Variants in CABP1 observed in about 807,000 individuals in gnomAD.
CABP1 encodes the protein calcium binding protein 1.
A neutral mutation model predicts 34.3 loss-of-function variants in CABP1; 17 were observed. The observed-to-expected ratio is 0.50, with a 90% CI of 0.34 to 0.74. The LOEUF (loss-of-function observed/expected upper bound fraction) is 0.74. Among genes scored for constraint, CABP1 ranks in the 30% least tolerant of loss-of-function variants. CABP1 has a pLI of 0.01. For missense variants in CABP1, 373 were observed against 511.1 expected (o/e 0.73, Z 2.61); for synonymous variants, 198 against 229.2 (o/e 0.86, Z 1.23).
chr12:120,666,751 G>A (rs925343572), intron 5 of CABP1, 124 bp from the exon 6 acceptor site: 3 of 1,036,556 alleles, frequency 2.9e-6, no homozygotes, highest in African/African-American at 3.1e-5. Flanking sequence ...GGATTGGAGA[G>A]GGCGGAATGG....
chr12:120,652,411 C>A (rs1002274136), intron 1 of CABP1, among the ~76,000 whole-genome samples: 4 of 150,950 alleles, frequency 2.6e-5, no homozygotes, highest in Non-Finnish European at 5.9e-5. Context: ...TCTGTTATCT[C>A]ATTTTCTCTT....
In CABP1 at chr12:120,641,364, G is replaced by C; in HGVS notation, c.654+25G>C. On this transcript the variant is annotated intron_variant, in intron 1 of 5. Coordinates refer to ENST00000316803, the MANE Select transcript of CABP1 (RefSeq NM_001033677.2). This position sits in a 1 kb window ranked among gnomAD's most constrained non-coding sequence, Gnocchi z 6.7. ...GGTAAGGGCCGCGCCTCCCGTCAGC[G>C]CTCCCGGGAAAGGCGCTCGGGACCC... The C allele has an allele frequency of 7.9e-7, 1 of 1,260,586 alleles. No homozygotes were observed. 78.1% of individuals were successfully genotyped at this position (1,260,586 alleles called of 1,614,324 possible). A position where few individuals can be genotyped will look rare whatever the true frequency, so the allele number is the denominator to read the frequency against.
At chr12:120,666,670 G>A (rs1881011520) in intron 5 of CABP1, among the ~76,000 whole-genome samples, 1 of 152,112 alleles carries the variant, frequency 6.6e-6, no homozygotes, top group South Asian at 2.1e-4. Flanking sequence ...TTTTCCAGTG[G>A]AGAGCTGTGG....
rs558880585 is a variant in CABP1 at position 120,641,476 on chromosome 12, G to A, written c.654+137G>A. On this transcript the variant is annotated intron_variant, in intron 1 of 5. Transcript: ENST00000316803. This position sits in a 1 kb window ranked among gnomAD's most constrained non-coding sequence, Gnocchi z 6.7. Reference sequence around the variant, plus strand: ...GCCTCGGCTCACCTCGTCCTCCCCGGGCCGGCGCCCTTGCCGGCACTCCTC... The same window carrying A: ...GCCTCGGCTCACCTCGTCCTCCCCGAGCCGGCGCCCTTGCCGGCACTCCTC... 2.4e-5 allele frequency: 24 copies of A among 999,846 alleles called. No individual in the cohort carries two copies. The highest frequency in any genetic ancestry group is 2.8e-5 in the Non-Finnish European group (22 of 777,144). The allele number at this position is 999,846 out of a possible 1,614,324, so 61.9% of individuals were successfully genotyped here.
chr12:120,668,078 C>T (rs1048967581), downstream of CABP1, among the ~76,000 whole-genome samples: 6 of 152,176 alleles, frequency 3.9e-5, no homozygotes, highest in African/African-American at 9.7e-5. Context: ...TAGGGACCTT[C>T]GGCAGGATAT....
chr12:120,652,528 A>T (rs1333607385), intron 1 of CABP1, among the ~76,000 whole-genome samples: 1 of 152,040 alleles, frequency 6.6e-6, no homozygotes, highest in Non-Finnish European at 1.5e-5. Flanking sequence ...TGGGATTTAA[A>T]CCCTGGTCTG....
At chr12:120,667,646 G>T (rs376016296), downstream of CABP1, among the ~76,000 whole-genome samples, 1 of 151,990 alleles carries the variant, frequency 6.6e-6, no homozygotes, top group African/African-American at 2.4e-5. Context: ...CCGCCACCAC[G>T]CCTGGCTAAT....
chr12:120,661,327 C>T lies in CABP1; in HGVS notation c.1087+109C>T. On this transcript the variant is annotated intron_variant, in intron 5 of 5. Transcript: ENST00000316803. This position sits in a 1 kb window ranked among gnomAD's most constrained non-coding sequence, Gnocchi z 5.1. ...CATCAATCCGCCCTAATTTTCCAAC[C>T]CCCAGCCCTTTCATCCTCTTATCCC... 2 of 1,321,350 alleles carry T rather than the reference C, an allele frequency of 1.5e-6. No homozygotes were observed. The highest frequency in any genetic ancestry group is 1.0e-6 in the Non-Finnish European group (1 of 973,012). 81.9% of individuals were successfully genotyped at this position (1,321,350 alleles called of 1,614,324 possible). A position where few individuals can be genotyped will look rare whatever the true frequency, so the allele number is the denominator to read the frequency against.
chr12:120,662,605 C>T (rs1426300266), intron 5 of CABP1, among the ~76,000 whole-genome samples: 5 of 151,964 alleles, frequency 3.3e-5, no homozygotes, highest in African/African-American at 1.2e-4. Flanking sequence ...AAGTGATCCA[C>T]CCGCCTCGGC....
chr12:120,670,673 G>A (rs577387210), downstream of CABP1, among the ~76,000 whole-genome samples: 75 of 152,094 alleles, frequency 4.9e-4, no homozygotes, highest in African/African-American at 1.7e-3. Flanking sequence ...ACTTGAACCC[G>A]GGAGGCAGAG....
chr12:120,675,222 T>C, the CABP1 span, among the ~76,000 whole-genome samples: 2 of 151,912 alleles, frequency 1.3e-5, no homozygotes, highest in Non-Finnish European at 2.9e-5. Context: ...CCAGCTAAAT[T>C]CTGTATTTTT....
At position 120,660,713 on chromosome 12, in the gene CABP1, C is replaced by G; in HGVS notation, c.830-18C>G. The G allele has an allele frequency of 6.4e-7, 1 of 1,559,580 alleles. No homozygotes were observed. Among genetic ancestry groups the G allele is most frequent in the Admixed American group, 1.7e-5 (1 of 59,938 alleles). Reference sequence around the variant, plus strand: ...ATGGGTATGTCGGGGATGACCTAGCCCTTTCCTCCTTTTCCAGTGGGTGGC... The same window carrying G: ...ATGGGTATGTCGGGGATGACCTAGCGCTTTCCTCCTTTTCCAGTGGGTGGC... On this transcript the variant is annotated intron_variant, in intron 3 of 5. Coordinates refer to ENST00000316803, the MANE Select transcript of CABP1 (RefSeq NM_001033677.2). This position sits in a 1 kb window ranked among gnomAD's most constrained non-coding sequence, Gnocchi z 5.0.
chr12:120,676,994 T>C, the CABP1 span, among the ~76,000 whole-genome samples: 1 of 152,124 alleles, frequency 6.6e-6, no homozygotes, highest in Non-Finnish European at 1.5e-5. Flanking sequence ...TCCTAGCTAC[T>C]TGGGATCAGT....
At position 120,644,776 on chromosome 12, in the gene CABP1, C is replaced by T. The variant is rs189289395; in HGVS notation, c.654+3437C>T. ...GTGAATGAATGGTATCACCAGCCTC[C>T]GGACTTCAGAGGCTTCCTTAGCTCC... On this transcript the variant is annotated intron_variant, in intron 1 of 5. Coordinates refer to ENST00000316803, the MANE Select transcript of CABP1 (RefSeq NM_001033677.2). Among the ~76,000 whole-genome samples the T allele has an allele frequency of 5.6e-3, 850 of 152,258 alleles. 6 individuals are homozygous for T. Among genetic ancestry groups the T allele is most frequent in the Admixed American group, 0.019 (294 of 15,284 alleles).
At chr12:120,659,939 G>A (rs1217032809) in intron 2 of CABP1, 31 bp downstream of exon 2, 2 of 1,608,332 alleles carry the variant, frequency 1.2e-6, no homozygotes, top group South Asian at 2.2e-5. Flanking sequence ...GGAAAGGACT[G>A]CCTAGCCCTC....
intron 1 of CABP1, among the ~76,000 whole-genome samples, chr12:120,642,864 C>T (rs2137325322): frequency 6.6e-6 from 1 of 152,062 alleles, no homozygotes; most frequent in Middle Eastern, 3.4e-3. Context: ...ATTTGCTAGA[C>T]ACCAGGAAGA....
In CABP1 at chr12:120,667,150, A is replaced by G. The variant is rs933366709; in HGVS notation, c.*250A>G. ...GTGCCAAGCCGGCAGAGGTCATGCCAGGCGCCAAGGGCCATGTGCCCAGCT... is the reference window on the plus strand; with the variant it reads ...GTGCCAAGCCGGCAGAGGTCATGCCGGGCGCCAAGGGCCATGTGCCCAGCT... On this transcript the variant is annotated 3_prime_UTR_variant, in exon 6 of 6. Transcript: ENST00000316803. 7 of 574,060 alleles carry G rather than the reference A, an allele frequency of 1.2e-5. No homozygotes were observed. Among genetic ancestry groups the G allele is most frequent in the African/African-American group, 1.9e-5 (1 of 52,300 alleles). The allele number at this position is 574,060 out of a possible 1,614,324, so 35.6% of individuals were successfully genotyped here. A position where few individuals can be genotyped will look rare whatever the true frequency, so the allele number is the denominator to read the frequency against.
At chr12:120,664,491 C>G (rs780710996) in intron 5 of CABP1, among the ~76,000 whole-genome samples, 12 of 152,206 alleles carry the variant, frequency 7.9e-5, no homozygotes, top group Non-Finnish European at 1.3e-4. Flanking sequence ...ATTGTCCAAA[C>G]TTGGAAACAA....
chr12:120,653,897 C>G (rs1207353186), intron 1 of CABP1, among the ~76,000 whole-genome samples: 2 of 152,226 alleles, frequency 1.3e-5, no homozygotes, highest in Non-Finnish European at 2.9e-5. Flanking sequence ...ATCTCTGAGC[C>G]AAGTGCAGAA....
Sources: gnomAD v4.1 joint callset for allele counts (sites outside exome capture counted in the v4.1 genomes callset) on GRCh38, gnomAD v4.1.1 for gene constraint, Gnocchi (gnomAD v3.1) non-coding constraint, MANE v1.5 for transcripts, NCBI Gene and HGNC (gene_info 2026-07-23, HGNC 2026-07-21) for gene names.